Variants in RORA observed in about 807,000 individuals in gnomAD.
The protein encoded by RORA is nuclear receptor ROR-alpha.
Under a neutral mutation model 69.5 loss-of-function variants are expected in RORA, and 7 were observed. The ratio of observed to expected loss-of-function variants is 0.10; its 90% confidence interval spans 0.06 to 0.19. The LOEUF (loss-of-function observed/expected upper bound fraction) is 0.19. Ranked by LOEUF, RORA falls within the 10% of genes least tolerant of loss-of-function variation. The probability of loss-of-function intolerance (pLI) is 1.00; values close to 1 mark genes in which losing one functional copy is unlikely to be tolerated. For synonymous variants in RORA, 261 were observed against 240.8 expected, an observed-to-expected ratio of 1.08 and a Z score of -0.78; for missense variants, 457 against 663.0, an observed-to-expected ratio of 0.69 and a Z score of 3.41.
chr15:61,122,014 T>G (rs1008307961), intron 1 of RORA, among the ~76,000 whole-genome samples: 4 of 152,178 alleles, frequency 2.6e-5, no homozygotes, highest in African/African-American at 9.6e-5. Context: ...AGGCTAATAC[T>G]GCTTAGAAAC....
chr15:60,846,036 C>T (rs567198778), intron 1 of RORA, among the ~76,000 whole-genome samples: 9 of 152,182 alleles, frequency 5.9e-5, no homozygotes, highest in South Asian at 2.1e-4. Flanking sequence ...TGAGCCACCG[C>T]GCCCAGCTGT....
chr15:61,072,070 AC>A (rs2078375128), intron 1 of RORA, among the ~76,000 whole-genome samples: 1 of 152,188 alleles, frequency 6.6e-6, no homozygotes, highest in South Asian at 2.1e-4. Flanking sequence ...TCATGATGTC[AC>A]AGATAAAGAA....
At chr15:60,911,069 ATTTTTTTTTTTTTTTTTTTTTT>A (rs528370848) in intron 1 of RORA, among the ~76,000 whole-genome samples, 35 of 89,678 alleles carry the variant, frequency 3.9e-4, no homozygotes, top group Admixed American at 8.7e-4. Flanking sequence ...TGCCCAGCTA[ATTTTTTTTTTTTTTTTTTTTTT>A]TTTTTTTTTT....
intron 1 of RORA, among the ~76,000 whole-genome samples, chr15:60,992,801 T>A (rs1246951594): frequency 6.6e-6 from 1 of 152,208 alleles, no homozygotes; most frequent in African/African-American, 2.4e-5. Flanking sequence ...GTGCTTTAAA[T>A]ATAAAGTCTA....
chr15:61,102,737 T>C (rs973138649), intron 1 of RORA, among the ~76,000 whole-genome samples: 5 of 152,224 alleles, frequency 3.3e-5, no homozygotes, highest in Admixed American at 2.6e-4. Flanking sequence ...CACTGAAGCA[T>C]GCACCTAGTT....
intron 1 of RORA, among the ~76,000 whole-genome samples, chr15:60,839,916 C>T (rs1485160368): frequency 6.6e-6 from 1 of 152,060 alleles, no homozygotes; most frequent in Non-Finnish European, 1.5e-5. Flanking sequence ...TTGCTGTTTG[C>T]CTATTTAAAT....
intron 2 of RORA, among the ~76,000 whole-genome samples, chr15:60,601,471 A>G (rs1327350275): frequency 1.3e-5 from 2 of 152,206 alleles, no homozygotes; most frequent in Non-Finnish European, 2.9e-5. Context: ...AATGTTGTTA[A>G]TGGATGTTAG....
At chr15:61,072,165 T>C (rs1370295839) in intron 1 of RORA, among the ~76,000 whole-genome samples, 2 of 152,190 alleles carry the variant, frequency 1.3e-5, no homozygotes, top group African/African-American at 4.8e-5. Flanking sequence ...GGATTGTGAA[T>C]GAGGCAAAGA....
chr15:60,951,729 G>C (rs1484215149), intron 1 of RORA, among the ~76,000 whole-genome samples: 2 of 152,170 alleles, frequency 1.3e-5, no homozygotes, highest in African/African-American at 4.8e-5. Flanking sequence ...ACTCCCCAAA[G>C]ACTAAACCAG....
At chr15:61,031,933 G>A (rs966724112) in intron 1 of RORA, among the ~76,000 whole-genome samples, 5 of 152,184 alleles carry the variant, frequency 3.3e-5, no homozygotes, top group African/African-American at 1.2e-4. Flanking sequence ...CTCTTCTGAA[G>A]AGTTGGAAGA....
intron 2 of RORA, among the ~76,000 whole-genome samples, chr15:60,559,598 C>T (rs546902984): frequency 6.6e-6 from 1 of 152,262 alleles, no homozygotes; most frequent in African/African-American, 2.4e-5. Context: ...TGCCAGAGGA[C>T]AGATTCATCA....
chr15:60,777,860 T>C lies in RORA; in HGVS notation c.167-99174A>G, dbSNP rs1056924936. ...TGAGCAAGGGGTGTGCAAATACTAT[T>C]TCAAATGGCTTAAAAAGCATCACAG... On this transcript the variant is annotated intron_variant, in intron 1 of 10. Transcript: ENST00000335670. Among the ~76,000 whole-genome samples the C allele has an allele frequency of 2.1e-4, 32 of 152,148 alleles. 1 individual carries two copies. The highest frequency in any genetic ancestry group is 6.5e-5 in the Admixed American group (1 of 15,280).
chr15:60,563,851 G>T (rs1024449797), intron 2 of RORA, among the ~76,000 whole-genome samples: 1 of 152,052 alleles, frequency 6.6e-6, no homozygotes, highest in African/African-American at 2.4e-5. Context: ...ACACACACAG[G>T]TAGCGATGGC....
chr15:60,542,336 TAC>T (rs922605969), intron 2 of RORA, among the ~76,000 whole-genome samples: 1 of 146,798 alleles, frequency 6.8e-6, no homozygotes, highest in Non-Finnish European at 1.5e-5. Context: ...ACACCACACA[TAC>T]ACACACATAC....
chr15:60,912,648 G>A (rs1409443088), intron 1 of RORA, among the ~76,000 whole-genome samples: 7 of 152,136 alleles, frequency 4.6e-5, no homozygotes, highest in Admixed American at 2.0e-4. Flanking sequence ...CAGCTCCTCA[G>A]GAGGCTGAGG....
At chr15:60,963,720 G>A (rs542847495) in intron 1 of RORA, among the ~76,000 whole-genome samples, 4 of 152,280 alleles carry the variant, frequency 2.6e-5, no homozygotes, top group African/African-American at 9.6e-5. Context: ...AGAACTCAGC[G>A]GGAATGGCCC....
chr15:60,803,789 C>G (rs1354996995), intron 1 of RORA, among the ~76,000 whole-genome samples: 1 of 152,166 alleles, frequency 6.6e-6, no homozygotes, highest in Non-Finnish European at 1.5e-5. Context: ...TCCCTATTTT[C>G]TCCAGTTACC....
At chr15:60,952,117 G>C (rs1474968839) in intron 1 of RORA, among the ~76,000 whole-genome samples, 2 of 151,100 alleles carry the variant, frequency 1.3e-5, no homozygotes, top group African/African-American at 4.9e-5. Flanking sequence ...TCATCCCTGG[G>C]ATGCAAGGTT....
intron 2 of RORA, among the ~76,000 whole-genome samples, chr15:60,561,073 TTTGTTTTTG>T (rs1176503328): frequency 6.2e-4 from 81 of 129,854 alleles, no homozygotes; most frequent in Middle Eastern, 3.5e-3. Flanking sequence ...TTTTTTTTGT[TTTGTTTTTG>T]TTTTTTTTTT....
Sources: allele counts gnomAD v4.1 joint callset (sites outside exome capture counted in the v4.1 genomes callset), GRCh38; gene constraint gnomAD v4.1.1; transcripts MANE v1.5; gene names NCBI Gene and HGNC (gene_info 2026-07-23, HGNC 2026-07-21).